The following HEPHL1 variants were observed in gnomAD, a reference collection of about 807,000 sequenced individuals.
HEPHL1 encodes the protein hephaestin like 1.
In HEPHL1, 123 loss-of-function variants were observed where a neutral mutation model predicts 122.0. That is an observed-to-expected ratio of 1.01 (90% CI 0.87 to 1.17). The LOEUF (loss-of-function observed/expected upper bound fraction) is 1.17, where lower values mean the gene tolerates loss of function less well. Among genes scored for constraint, HEPHL1 ranks in the 50% most tolerant of loss-of-function variants. The pLI is 0.00. For missense variants in HEPHL1, 1,452 were observed against 1,430.5 expected, an observed-to-expected ratio of 1.01 and a Z score of -0.24; for synonymous variants, 527 against 508.9, an observed-to-expected ratio of 1.04 and a Z score of -0.48.
intron 13 of HEPHL1, among the ~76,000 whole-genome samples, chr11:94,099,648 C>G (rs1040684814): frequency 5.9e-5 from 9 of 152,174 alleles, no homozygotes; most frequent in Non-Finnish European, 1.3e-4. Context: ...CCTCGAGCTG[C>G]GGTGGGCTCC....
chr11:94,104,818 G>A, intron 16 of HEPHL1, 68 bp downstream of exon 16: 1 of 1,188,882 alleles, frequency 8.4e-7, no homozygotes, highest in Non-Finnish European at 1.2e-6. Flanking sequence ...AAATGTAGGA[G>A]GCTCCCAGCA....
intron 1 of HEPHL1, 116 bp from the exon 2 acceptor site, chr11:94,045,557 T>C: frequency 4.6e-6 from 4 of 867,094 alleles, no homozygotes; most frequent in Non-Finnish European, 5.2e-6. Context: ...AGGTTGCAGC[T>C]TATAGTGAAC....
rs543467699 is a variant in HEPHL1 at position 94,089,869 on chromosome 11, G to A, written c.2294+901G>A. 9.9e-5 allele frequency among the ~76,000 whole-genome samples: 15 copies of A among 151,926 alleles called. No individual in the cohort carries two copies. The East Asian group carries it at 2.9e-3, about 30-fold the overall frequency. On this transcript the variant is annotated intron_variant, in intron 12 of 19. Coordinates refer to ENST00000315765, the MANE Select transcript of HEPHL1 (RefSeq NM_001098672.2). Reference sequence around the variant, plus strand: ...AGACAAATAAATCCACGTTCTCTCCGGCACACTACATTGTCCCTCCTGGCC... The same window carrying A: ...AGACAAATAAATCCACGTTCTCTCCAGCACACTACATTGTCCCTCCTGGCC...
intron 13 of HEPHL1, among the ~76,000 whole-genome samples, chr11:94,095,956 C>A (rs910853559): frequency 5.9e-5 from 9 of 152,186 alleles, no homozygotes; most frequent in African/African-American, 2.2e-4. Context: ...ACAACCATGT[C>A]ATCTGCAAAC....
Position 94,045,799 on chromosome 11 carries a change from C to T in HEPHL1, c.297C>T (p.Phe99=), listed in dbSNP as rs1051130690. 6.2e-7 allele frequency: 1 copy of T among 1,613,846 alleles called. No individual in the cohort carries two copies. The highest frequency in any genetic ancestry group is 1.3e-5 in the African/African-American group (1 of 74,932). ...TCCCCAAACCTCCCTGGCTTGGATTCCTGGGCCCCATCTTGAGGGCCGAAG... is the reference window on the plus strand; with the variant it reads ...TCCCCAAACCTCCCTGGCTTGGATTTCTGGGCCCCATCTTGAGGGCCGAAG... ...IEIPKPPWLG[F]LGPILRAEVG... Residue 99 remains phenylalanine, a synonymous_variant, in exon 2 of 20, where the codon TTC becomes TTT. Coordinates refer to ENST00000315765, the MANE Select transcript of HEPHL1 (RefSeq NM_001098672.2).
intron 1 of HEPHL1, among the ~76,000 whole-genome samples, chr11:94,022,704 C>T (rs1209889750): frequency 6.6e-6 from 1 of 152,242 alleles, no homozygotes; most frequent in African/African-American, 2.4e-5. Context: ...CCAAAGGAAA[C>T]TCTTGATTGC....
chr11:94,084,885 T>C (rs1172326947), intron 10 of HEPHL1, among the ~76,000 whole-genome samples: 1 of 152,184 alleles, frequency 6.6e-6, no homozygotes, highest in East Asian at 1.9e-4. Flanking sequence ...CACCACTGGT[T>C]TTGCAGACAC....
At chr11:94,062,487 T>C (rs1185101158) in intron 2 of HEPHL1, among the ~76,000 whole-genome samples, 1 of 152,214 alleles carries the variant, frequency 6.6e-6, no homozygotes, top group Non-Finnish European at 1.5e-5. Context: ...TGGCTCTTGC[T>C]GTGTTATTTG....
Position 94,037,112 on chromosome 11 carries a change from G to A in HEPHL1, c.171-8561G>A, listed in dbSNP as rs959837750. Among the ~76,000 whole-genome samples the A allele has an allele frequency of 5.3e-5, 8 of 152,142 alleles. No individual in the cohort carries two copies. The East Asian group carries it at 7.7e-4, about 15-fold the overall frequency. ...CGAGTCAAAGAAAGGGGTGACGGACGCACCTGGAAAATCGGGTCACTCCCA... is the reference window on the plus strand; with the variant it reads ...CGAGTCAAAGAAAGGGGTGACGGACACACCTGGAAAATCGGGTCACTCCCA... On this transcript the variant is annotated intron_variant, in intron 1 of 19. Coordinates refer to ENST00000315765, the MANE Select transcript of HEPHL1 (RefSeq NM_001098672.2).
chr11:94,102,872 A>C (rs748875593), intron 14 of HEPHL1, 42 bp from the exon 15 acceptor site: 1 of 975,454 alleles, frequency 1.0e-6, no homozygotes, highest in South Asian at 1.4e-5. Context: ...CATCTGAAAC[A>C]CAGATAATTC....
chr11:94,104,565 G>T lies in HEPHL1; in HGVS notation c.2720G>T (p.Cys907Phe). The T allele has an allele frequency of 6.2e-7, 1 of 1,613,766 alleles. No individual in the cohort carries two copies. Among genetic ancestry groups the T allele is most frequent in the Non-Finnish European group, 8.5e-7 (1 of 1,179,750 alleles). ...YSGLMGPLIT[C>F]RKGVLNEKGR... ...GGTTTGATGGGTCCTCTGATTACAT[G>T]CCGAAAAGGAGTCTTGAATGAAAAG... The change falls in exon 16 of 20, where the codon TGC becomes TTC. Residue 907 changes from cysteine to phenylalanine, a missense_variant. Cys to Phe is a radical substitution (Grantham distance 205). Transcript: ENST00000315765.
Position 94,104,709 on chromosome 11 carries a change from T to G in HEPHL1, c.2864T>G (p.Phe955Cys), listed in dbSNP as rs759427248. The change falls in exon 16 of 20, where the codon TTT becomes TGT. Residue 955 changes from phenylalanine to cysteine, a missense_variant. By Grantham distance (205) the Phe-to-Cys change is radical. Coordinates refer to ENST00000315765, the MANE Select transcript of HEPHL1 (RefSeq NM_001098672.2). ...KKYLNKDPRD[F>C]KRTDDFEESN... The stretch of plus-strand genomic sequence containing the variant: ...TATCTCAACAAAGATCCACGAGATT[T>G]TAAGCGCACTGATGATTTTGAGGAA... 2 of 1,613,854 alleles carry G rather than the reference T, an allele frequency of 1.2e-6. No homozygotes were observed. The highest frequency in any genetic ancestry group is 2.2e-5 in the South Asian group (2 of 91,072).
intron 1 of HEPHL1, among the ~76,000 whole-genome samples, chr11:94,031,738 C>T (rs970230201): frequency 6.6e-6 from 1 of 152,160 alleles, no homozygotes; most frequent in Non-Finnish European, 1.5e-5. Context: ...GGGTCTAAAC[C>T]CATGGGTTCC....
chr11:94,042,532 A>T (rs1297511211), intron 1 of HEPHL1, among the ~76,000 whole-genome samples: 47 of 150,588 alleles, frequency 3.1e-4, no homozygotes, highest in Admixed American at 9.9e-4. Flanking sequence ...ACACCATGGA[A>T]TACTATGCAG....
chr11:94,034,687 A>G (rs1945705304), intron 1 of HEPHL1, among the ~76,000 whole-genome samples: 1 of 152,210 alleles, frequency 6.6e-6, no homozygotes, highest in South Asian at 2.1e-4. Flanking sequence ...AAGAAAGATA[A>G]TAAAACTTCA....
intron 1 of HEPHL1, among the ~76,000 whole-genome samples, chr11:94,024,144 T>G (rs928884707): frequency 6.6e-6 from 1 of 152,188 alleles, no homozygotes; most frequent in Non-Finnish European, 1.5e-5. Context: ...ATATTCACAC[T>G]TGGGCAAATG....
chr11:94,086,317 G>C, intron 11 of HEPHL1, 128 bp downstream of exon 11: 1 of 688,216 alleles, frequency 1.5e-6, no homozygotes. Context: ...ATATAGTCTT[G>C]ATTAGAATCA....
At chr11:94,057,117 A>C (rs1945943929) in intron 2 of HEPHL1, among the ~76,000 whole-genome samples, 1 of 152,142 alleles carries the variant, frequency 6.6e-6, no homozygotes, top group Admixed American at 6.5e-5. Flanking sequence ...GAAGTCAACC[A>C]TTAATCATAT....
intron 8 of HEPHL1, among the ~76,000 whole-genome samples, chr11:94,074,842 C>G (rs989624522): frequency 6.6e-6 from 1 of 152,116 alleles, no homozygotes; most frequent in Non-Finnish European, 1.5e-5. Context: ...GTAATATATT[C>G]TACATAGAAA....
Sources: gnomAD v4.1 joint callset for allele counts (sites outside exome capture counted in the v4.1 genomes callset) on GRCh38, gnomAD v4.1.1 for gene constraint, MANE v1.5 for transcripts, NCBI Gene and HGNC (gene_info 2026-07-23, HGNC 2026-07-21) for gene names.